The following NRXN3 variants were observed in gnomAD, a reference collection of about 807,000 sequenced individuals.
NRXN3 encodes the protein neurexin 3, also known as neurexin III.
A neutral mutation model predicts 137.6 loss-of-function variants in NRXN3; 32 were observed. That is an observed-to-expected ratio of 0.23 (90% CI 0.18 to 0.31). NRXN3 has a LOEUF of 0.31. Ranked by LOEUF, NRXN3 falls within the 10% of genes least tolerant of loss-of-function variation. The pLI is 1.00. For missense variants in NRXN3, 1,574 were observed against 2,062.5 expected (o/e 0.76, Z 4.59); for synonymous variants, 798 against 784.5 (o/e 1.02, Z -0.29).
At chr14:79,418,948 G>A (rs1405858841) in intron 15 of NRXN3, among the ~76,000 whole-genome samples, 1 of 152,024 alleles carries the variant, frequency 6.6e-6, no homozygotes, top group Non-Finnish European at 1.5e-5. Flanking sequence ...TTAACTATGG[G>A]CAAAAAAGAA....
intron 19 of NRXN3, among the ~76,000 whole-genome samples, chr14:79,753,554 A>T (rs973424883): frequency 1.9e-5 from 2 of 106,596 alleles, no homozygotes; most frequent in African/African-American, 7.3e-5. Flanking sequence ...GGAACATCAC[A>T]CTCTGGGGAC....
chr14:78,341,943 G>A lies in NRXN3; in HGVS notation c.757+44083G>A, dbSNP rs549559737. On this transcript the variant is annotated intron_variant, in intron 4 of 20. Transcript: ENST00000335750. ...TAACTCACTCATATGTTTGCCTAGA[G>A]TAGGCCAGCTGGTTTTTACCTTGCT... 1.3e-4 allele frequency among the ~76,000 whole-genome samples: 20 copies of A among 152,290 alleles called. 1 individual carries two copies. The Middle Eastern group carries it at 0.01, about 78-fold the overall frequency.
chr14:79,327,964 A>T (rs984812855), intron 15 of NRXN3, among the ~76,000 whole-genome samples: 1 of 152,038 alleles, frequency 6.6e-6, no homozygotes, highest in Non-Finnish European at 1.5e-5. Flanking sequence ...TCCCTTATTC[A>T]TGGTTGCTTT....
At chr14:79,010,684 G>A (rs1387915871) in intron 15 of NRXN3, among the ~76,000 whole-genome samples, 2 of 152,142 alleles carry the variant, frequency 1.3e-5, no homozygotes, top group Non-Finnish European at 2.9e-5. Flanking sequence ...ACAATGATGG[G>A]TTGTTTATAT....
At chr14:78,438,803 A>T (rs2094151491) in intron 4 of NRXN3, among the ~76,000 whole-genome samples, 1 of 152,116 alleles carries the variant, frequency 6.6e-6, no homozygotes, top group South Asian at 2.1e-4. Context: ...ACAAGGACAC[A>T]GCTGTGTTGG....
At chr14:79,288,486 AT>A (rs1486285498) in intron 15 of NRXN3, among the ~76,000 whole-genome samples, 3 of 152,246 alleles carry the variant, frequency 2.0e-5, no homozygotes, top group Admixed American at 1.3e-4. Flanking sequence ...AATGCTTTAC[AT>A]ATGTGACTTC....
chr14:78,823,503 C>T (rs2153136251), intron 10 of NRXN3, among the ~76,000 whole-genome samples: 1 of 152,290 alleles, frequency 6.6e-6, no homozygotes, highest in Non-Finnish European at 1.5e-5. Context: ...TTAAGTTCTC[C>T]TGGCACTTCG....
At chr14:79,073,902 C>T (rs577801868) in intron 15 of NRXN3, among the ~76,000 whole-genome samples, 2 of 152,264 alleles carry the variant, frequency 1.3e-5, no homozygotes, top group African/African-American at 4.8e-5. Context: ...CGTTATTTAA[C>T]CTCTCTGTGC....
chr14:78,925,335 T>C (rs2099284358), intron 10 of NRXN3, among the ~76,000 whole-genome samples: 1 of 152,214 alleles, frequency 6.6e-6, no homozygotes, highest in Non-Finnish European at 1.5e-5. Context: ...GAACATTTAT[T>C]ACATTCTTCT....
At chr14:79,431,487 A>C (rs895223232) in intron 15 of NRXN3, among the ~76,000 whole-genome samples, 11 of 152,212 alleles carry the variant, frequency 7.2e-5, no homozygotes, top group African/African-American at 2.7e-4. Context: ...GTCATATAAC[A>C]ATTAATGAAA....
rs563985058 is a variant in NRXN3 at position 79,745,503 on chromosome 14, A to G, written c.4014+47566A>G. On this transcript the variant is annotated intron_variant, in intron 19 of 20. Transcript: ENST00000335750. Reference sequence around the variant, plus strand: ...TACTGAAATGCAATTGATTTTGGAGAGTTAAAAACAAATCCAAACCAGCAG... The same window carrying G: ...TACTGAAATGCAATTGATTTTGGAGGGTTAAAAACAAATCCAAACCAGCAG... Among the ~76,000 whole-genome samples, 9 of 152,242 alleles carry G rather than the reference A, an allele frequency of 5.9e-5. No individual in the cohort carries two copies. In the South Asian group the frequency reaches 8.3e-4, roughly 14 times the overall value.
At chr14:79,846,617 TC>T (rs1054763710) in intron 20 of NRXN3, among the ~76,000 whole-genome samples, 2 of 152,226 alleles carry the variant, frequency 1.3e-5, no homozygotes, top group African/African-American at 4.8e-5. Flanking sequence ...TAATCTTTTT[TC>T]CTTACATTCA....
intron 15 of NRXN3, among the ~76,000 whole-genome samples, chr14:79,133,727 T>G (rs369523017): frequency 1.3e-5 from 2 of 151,722 alleles, no homozygotes; most frequent in African/African-American, 4.8e-5. Flanking sequence ...GGATCGAGAC[T>G]ATCCTGGCTA....
At chr14:78,903,263 C>T (rs117968653) in intron 10 of NRXN3, among the ~76,000 whole-genome samples, 15,601 of 151,388 alleles carry the variant, frequency 0.1, 1,105 homozygotes, top group Non-Finnish European at 0.14. Context: ...ATCCTCCCGC[C>T]TCAGTCTCCT....
At chr14:78,936,224 A>G (rs1175054247) in intron 10 of NRXN3, among the ~76,000 whole-genome samples, 1 of 152,182 alleles carries the variant, frequency 6.6e-6, no homozygotes. Flanking sequence ...GCTATTGGTT[A>G]TATTTTGCCT....
chr14:78,221,402 C>T (rs187678453), intron 1 of NRXN3, among the ~76,000 whole-genome samples: 28 of 152,030 alleles, frequency 1.8e-4, no homozygotes, highest in Non-Finnish European at 2.4e-4. Flanking sequence ...GTTACTGGAG[C>T]GGAGGCACAA....
intron 20 of NRXN3, among the ~76,000 whole-genome samples, chr14:79,854,402 C>T (rs2099398250): frequency 6.6e-6 from 1 of 152,040 alleles, no homozygotes; most frequent in Non-Finnish European, 1.5e-5. Context: ...CTTACTTTGG[C>T]TACGAAGTTG....
intron 4 of NRXN3, among the ~76,000 whole-genome samples, chr14:78,423,064 G>T (rs955979496): frequency 2.0e-5 from 3 of 152,138 alleles, no homozygotes; most frequent in African/African-American, 7.2e-5. Context: ...AATTGTGTTG[G>T]TTTTGCCAGT....
chr14:79,291,419 C>T lies in NRXN3; in HGVS notation c.3263-175802C>T, dbSNP rs184243286. ...TTATTTTAGCAGAGATGGGGTCTTG[C>T]GGTATTGTCCAGACCAGTCTCAAAC... On this transcript the variant is annotated intron_variant, in intron 15 of 20. Coordinates refer to ENST00000335750, the MANE Select transcript of NRXN3 (RefSeq NM_001330195.2). Among the ~76,000 whole-genome samples the T allele has an allele frequency of 1.6e-3, 236 of 151,618 alleles. 1 individual carries two copies. Among genetic ancestry groups the T allele is most frequent in the African/African-American group, 5.0e-3 (207 of 41,384 alleles).
Sources: allele counts gnomAD v4.1 joint callset (sites outside exome capture counted in the v4.1 genomes callset), GRCh38; gene constraint gnomAD v4.1.1; transcripts MANE v1.5; gene names NCBI Gene and HGNC (gene_info 2026-07-23, HGNC 2026-07-21).